The following SLC26A5 variants were observed in gnomAD, a reference collection of about 807,000 sequenced individuals.
SLC26A5 encodes the protein solute carrier family 26 member 5.
In SLC26A5, 51 loss-of-function variants were observed where a neutral mutation model predicts 81.0. The ratio of observed to expected loss-of-function variants is 0.63; its 90% CI spans 0.50 to 0.80. The LOEUF (loss-of-function observed/expected upper bound fraction) is 0.80. SLC26A5 is among the 30% of genes least tolerant of loss of function. The pLI is 0.00. For missense variants in SLC26A5, 771 were observed against 905.8 expected, an observed-to-expected ratio of 0.85 and a Z score of 1.91; for synonymous variants, 325 against 332.8, an observed-to-expected ratio of 0.98 and a Z score of 0.25.
intron 9 of SLC26A5, among the ~76,000 whole-genome samples, chr7:103,394,866 T>G (rs1355399352): frequency 6.6e-6 from 1 of 152,234 alleles, no homozygotes; most frequent in African/African-American, 2.4e-5. Context: ...ATGAGTGCCT[T>G]AAGAGGCCTG....
At chr7:103,364,054 C>T (rs1820561098) in intron 19 of SLC26A5, 1 of 1,253,154 alleles carries the variant, frequency 8.0e-7, no homozygotes, top group South Asian at 1.5e-5. Context: ...GGATAAAATA[C>T]TAAACATAAA....
At chr7:103,418,678 G>T (rs1158618922) in intron 4 of SLC26A5, among the ~76,000 whole-genome samples, 3 of 152,214 alleles carry the variant, frequency 2.0e-5, no homozygotes, top group Non-Finnish European at 4.4e-5. Context: ...ATTAGGGGAA[G>T]TGATTTGTTT....
chr7:103,394,978 C>T (rs1323903931), intron 9 of SLC26A5, among the ~76,000 whole-genome samples: 1 of 152,184 alleles, frequency 6.6e-6, no homozygotes, highest in Non-Finnish European at 1.5e-5. Flanking sequence ...CCTGCTAGCC[C>T]TCACCTGTTC....
chr7:103,374,649 T>C (rs1444843715), intron 19 of SLC26A5, 57 bp from the exon 20 acceptor site: 23 of 1,478,534 alleles, frequency 1.6e-5, no homozygotes, highest in Non-Finnish European at 1.9e-5. Flanking sequence ...CTTCAACAAT[T>C]AAAAAAAAGT....
At chr7:103,354,293 G>GT (rs1490971071) in intron 19 of SLC26A5, among the ~76,000 whole-genome samples, 6 of 151,402 alleles carry the variant, frequency 4.0e-5, no homozygotes, top group Non-Finnish European at 7.4e-5. Flanking sequence ...TATTTAACAA[G>GT]TATTACTGAA....
intron 14 of SLC26A5, among the ~76,000 whole-genome samples, chr7:103,384,275 A>G (rs1822015724): frequency 6.6e-6 from 1 of 151,936 alleles, no homozygotes; most frequent in Non-Finnish European, 1.5e-5. Context: ...GAGATGAGAC[A>G]CTGTGTTTGG....
rs115077204 is a variant in SLC26A5, at chr7:103,423,281, C to A, written c.-53-1714G>T. Among the ~76,000 whole-genome samples the A allele has an allele frequency of 5.0e-3, 756 of 151,748 alleles. 8 individuals are homozygous for A. Among genetic ancestry groups the A allele is most frequent in the African/African-American group, 0.017 (714 of 41,362 alleles). On this transcript the variant is annotated intron_variant, in intron 2 of 19. Coordinates refer to ENST00000306312, the MANE Select transcript of SLC26A5 (RefSeq NM_198999.3). ...GAGTGAAACTCCGTCTCAAAGGCAA[C>A]AAAACAAATTGAAATCAGGGTTGTG... is the stretch of plus-strand genomic sequence containing the variant.
intron 8 of SLC26A5, among the ~76,000 whole-genome samples, chr7:103,399,687 C>A (rs1823421941): frequency 6.6e-6 from 1 of 152,182 alleles, no homozygotes; most frequent in South Asian, 2.1e-4. Flanking sequence ...CCATCATCTA[C>A]ATTAGGTATT....
chr7:103,443,292 T>A (rs1827014775), intron 1 of SLC26A5, 81 bp from the exon 2 acceptor site: 1 of 152,234 alleles, frequency 6.6e-6, no homozygotes. Flanking sequence ...AAAATATTTC[T>A]TAACGCTCTC....
chr7:103,421,223 G>A (rs879907825), intron 3 of SLC26A5, 140 bp downstream of exon 3: 24 of 936,262 alleles, frequency 2.6e-5, no homozygotes, highest in African/African-American at 4.9e-5. Flanking sequence ...ACTGAACCTC[G>A]TGAACAGCTT....
chr7:103,389,621 T>A (rs1822484005), intron 12 of SLC26A5, among the ~76,000 whole-genome samples, 197 bp from the exon 13 acceptor site: 1 of 152,066 alleles, frequency 6.6e-6, no homozygotes, highest in Admixed American at 6.6e-5. Flanking sequence ...GGAAAATCAG[T>A]CTTTCTTTTT....
intron 7 of SLC26A5, among the ~76,000 whole-genome samples, chr7:103,409,047 C>T (rs1824278843): frequency 6.6e-6 from 1 of 152,236 alleles, no homozygotes; most frequent in Admixed American, 6.5e-5. Flanking sequence ...CCATTTTTAT[C>T]AGTCAGGGAC....
At chr7:103,418,038 C>G (rs1234670162) in intron 4 of SLC26A5, among the ~76,000 whole-genome samples, 1 of 152,188 alleles carries the variant, frequency 6.6e-6, no homozygotes, top group Non-Finnish European at 1.5e-5. Context: ...CCACACCCAG[C>G]CCTGTCATCT....
At chr7:103,389,469 G>A in intron 12 of SLC26A5, 45 bp from the exon 13 acceptor site, 2 of 1,424,764 alleles carry the variant, frequency 1.4e-6, no homozygotes, top group Non-Finnish European at 2.0e-6. Context: ...TGTGTCCACA[G>A]AGTGTCCTTT....
At chr7:103,397,873 A>T in intron 9 of SLC26A5, 59 bp downstream of exon 9, 1 of 1,222,260 alleles carries the variant, frequency 8.2e-7, no homozygotes, top group Non-Finnish European at 1.2e-6. Flanking sequence ...TGTAAGAGTT[A>T]GAGGCAATAG....
intron 2 of SLC26A5, among the ~76,000 whole-genome samples, chr7:103,432,105 G>A (rs1404702993): frequency 2.0e-5 from 3 of 151,834 alleles, no homozygotes; most frequent in East Asian, 1.9e-4. Context: ...TTGTAGAAAC[G>A]GGGTATCACC....
intron 3 of SLC26A5, 26 bp downstream of exon 3, chr7:103,421,337 C>G (rs1428620036): frequency 1.2e-6 from 2 of 1,613,336 alleles, no homozygotes; most frequent in South Asian, 1.1e-5. Flanking sequence ...GATACAATAA[C>G]AGAAACAGGT....
At chr7:103,421,760 T>C (rs1825370542) in intron 2 of SLC26A5, among the ~76,000 whole-genome samples, 193 bp from the exon 3 acceptor site, 1 of 152,104 alleles carries the variant, frequency 6.6e-6, no homozygotes, top group African/African-American at 2.4e-5. Flanking sequence ...ACGTGACTTA[T>C]TCCCTCCCAG....
intron 1 of SLC26A5, among the ~76,000 whole-genome samples, chr7:103,444,394 G>A (rs578124492): frequency 6.6e-6 from 1 of 152,266 alleles, no homozygotes; most frequent in East Asian, 1.9e-4. Context: ...TACCTGCAAC[G>A]GTAGAAAAAT....
Sources: allele counts gnomAD v4.1 joint callset (sites outside exome capture counted in the v4.1 genomes callset), GRCh38; gene constraint gnomAD v4.1.1; transcripts MANE v1.5; gene names NCBI Gene and HGNC (gene_info 2026-07-23, HGNC 2026-07-21).